The following PRICKLE2 variants were observed in gnomAD, a reference collection of about 807,000 sequenced individuals.
PRICKLE2 encodes the protein prickle-like protein 2.
In PRICKLE2, 21 loss-of-function variants were observed where a neutral mutation model predicts 81.4. The ratio of observed to expected loss-of-function variants is 0.26; its 90% CI spans 0.18 to 0.37. The LOEUF is 0.37. Ranked by LOEUF, PRICKLE2 falls within the 10% of genes least tolerant of loss-of-function variation. The pLI is 1.00. For synonymous variants in PRICKLE2, 456 were observed against 421.5 expected (o/e 1.08, Z -1.00); for missense variants, 940 against 1,109.0 (o/e 0.85, Z 2.16).
rs535111327 is a variant in PRICKLE2, at chr3:64,181,212, T to G, written c.144+17572A>C. On this transcript the variant is annotated intron_variant, in intron 2 of 7. Coordinates refer to ENST00000638394, the MANE Select transcript of PRICKLE2 (RefSeq NM_198859.4). ...ATTCCGTTTATACAGTACCTCTTCC[T>G]GGCTCACGACAGAGTCTTCTGATTG... is the stretch of plus-strand genomic sequence containing the variant. 2.6e-5 allele frequency among the ~76,000 whole-genome samples: 4 copies of G among 152,282 alleles called. No homozygotes were observed. In the South Asian group the frequency reaches 8.3e-4, roughly 32 times the overall value.
chr3:64,142,207 C>A (rs2077372430), intron 7 of PRICKLE2, among the ~76,000 whole-genome samples: 1 of 152,034 alleles, frequency 6.6e-6, no homozygotes, highest in Non-Finnish European at 1.5e-5. Context: ...CTGACAGAAC[C>A]ATAGAAACGC....
rs180830724 is a variant in PRICKLE2, at chr3:64,241,365, C to G, written c.129-42398G>C. ...TCCCCAGTTCTTCTCTCTGAAACACCAGGGCGGAGAGTCAGCTCACATTTA... is the reference window on the plus strand; with the variant it reads ...TCCCCAGTTCTTCTCTCTGAAACACGAGGGCGGAGAGTCAGCTCACATTTA... On this transcript the variant is annotated intron_variant, in intron 2 of 8. Coordinates refer to the PRICKLE2 transcript ENST00000295902. Among the ~76,000 whole-genome samples, 7 of 152,284 alleles carry G rather than the reference C, an allele frequency of 4.6e-5. No homozygotes were observed. The East Asian group carries it at 1.4e-3, about 29-fold the overall frequency.
chr3:64,252,212 A>C (rs1005468269), intron 2 of PRICKLE2, among the ~76,000 whole-genome samples: 2 of 152,216 alleles, frequency 1.3e-5, no homozygotes, highest in African/African-American at 2.4e-5. Context: ...AAAAATGAAA[A>C]ATGTGAGGCA....
chr3:64,237,267 A>G (rs1290718273), intron 2 of PRICKLE2, among the ~76,000 whole-genome samples: 1 of 152,188 alleles, frequency 6.6e-6, no homozygotes, highest in Non-Finnish European at 1.5e-5. Context: ...AGCCTGTTGC[A>G]TCTGCACCCT....
rs767820294 is a variant in PRICKLE2, at chr3:64,147,132, G to A, written c.1358C>T (p.Ser453Leu). 1.5e-5 allele frequency: 25 copies of A among 1,614,010 alleles called. No individual in the cohort carries two copies. The highest frequency in any genetic ancestry group is 1.9e-5 in the Non-Finnish European group (22 of 1,180,040). The change falls in exon 7 of 8, where the codon TCG becomes TTG. Residue 453 changes from serine to leucine, a missense_variant. Ser to Leu is a moderately radical substitution (Grantham distance 145). This residue lies in a region of PRICKLE2 where 670 missense variants were observed against 717.2 expected (regional missense o/e 0.93). Transcript: ENST00000638394. The surrounding 1 kb of genome is among the most constrained non-coding windows in gnomAD (Gnocchi z 5.0). ...AGCATGTCCTGTCATGGCCAGTGACGAGCTCCTTTTGGGGTTGCTGAAGTG... is the reference window on the plus strand; with the variant it reads ...AGCATGTCCTGTCATGGCCAGTGACAAGCTCCTTTTGGGGTTGCTGAAGTG... ...GKHFSNPKRS[S>L]SLAMTGHAGS...
At chr3:64,194,262 A>T (rs953085601) in intron 2 of PRICKLE2, 3 of 152,206 alleles carry the variant, frequency 2.0e-5, no homozygotes, top group East Asian at 3.9e-4. Context: ...TCTGCTGAAT[A>T]CTCGACCATA....
At chr3:64,178,427 T>C (rs2078061609) in intron 2 of PRICKLE2, among the ~76,000 whole-genome samples, 1 of 152,238 alleles carries the variant, frequency 6.6e-6, no homozygotes, top group Non-Finnish European at 1.5e-5. Flanking sequence ...AGCTGAACAC[T>C]GGCAGTGAAA....
At chr3:64,100,741 A>G (rs2076646122) in intron 7 of PRICKLE2, 1 of 152,230 alleles carries the variant, frequency 6.6e-6, no homozygotes, top group South Asian at 2.1e-4. Context: ...CATCCCTGAG[A>G]TGAAAACCAT....
intron 1 of PRICKLE2, among the ~76,000 whole-genome samples, chr3:64,213,996 T>C (rs1453978832): frequency 2.0e-5 from 3 of 152,140 alleles, no homozygotes; most frequent in African/African-American, 7.2e-5. Flanking sequence ...TGGCAAGTCA[T>C]AGGAAATTCT....
chr3:64,201,204 C>T (rs1227839594), intron 1 of PRICKLE2, among the ~76,000 whole-genome samples: 1 of 152,190 alleles, frequency 6.6e-6, no homozygotes. Context: ...GCTAGGATTA[C>T]AGGCATGAGC....
rs114904917 is a variant in PRICKLE2, at chr3:64,125,729, A to G, written c.1660+21101T>C. Among the ~76,000 whole-genome samples, 545 of 152,360 alleles carry G rather than the reference A, an allele frequency of 3.6e-3. 3 individuals carry two copies. Among genetic ancestry groups the G allele is most frequent in the African/African-American group, 0.012 (506 of 41,594 alleles). On this transcript the variant is annotated intron_variant, in intron 7 of 7. Transcript: ENST00000638394. The stretch of plus-strand genomic sequence containing the variant: ...TAATGTAAACAAAACTTTTATATGC[A>G]TTGGGAAACCAAAAAATTTGCATGA...
rs1359847585 is a variant in PRICKLE2 at position 64,157,222 on chromosome 3, C to T, written c.540G>A (p.Lys180=). The change falls in exon 5 of 8, where the codon AAG becomes AAA. Residue 180 remains lysine, a synonymous_variant. Coordinates refer to ENST00000638394, the MANE Select transcript of PRICKLE2 (RefSeq NM_198859.4). ...VDLIYFYQDG[K]IYCGRHHAEC... is the part of the protein sequence containing the mutation. ...CAGCATGGTGCCTGCCACAGTATAT[C>T]TTCCCATCTTGGTAAAAGTAGATCA... 1 of 1,614,232 alleles carries T rather than the reference C, an allele frequency of 6.2e-7. No individual in the cohort carries two copies. The highest frequency in any genetic ancestry group is 8.5e-7 in the Non-Finnish European group (1 of 1,180,036).
intron 5 of PRICKLE2, among the ~76,000 whole-genome samples, chr3:64,156,693 T>C (rs915153580): frequency 3.9e-5 from 6 of 152,194 alleles, no homozygotes; most frequent in African/African-American, 1.4e-4. Context: ...AGAACTTTTA[T>C]AAACTGTAGA....
intron 2 of PRICKLE2, chr3:64,163,429 G>A: frequency 2.2e-6 from 1 of 447,664 alleles, no homozygotes. Flanking sequence ...CAGAGGGTAG[G>A]GCTTTCTCGG....
intron 1 of PRICKLE2, among the ~76,000 whole-genome samples, chr3:64,218,315 A>G (rs1559586709): frequency 6.6e-6 from 1 of 152,234 alleles, no homozygotes; most frequent in Non-Finnish European, 1.5e-5. Flanking sequence ...GGAAACATCT[A>G]CTTCTTATAA....
chr3:64,163,342 T>C (rs1380956068), intron 2 of PRICKLE2: 10 of 602,792 alleles, frequency 1.7e-5, no homozygotes, highest in African/African-American at 1.8e-5. Context: ...CTGGGATTTT[T>C]CCCTCTCTCT....
At chr3:64,266,632 A>T (rs1183884498) in intron 2 of PRICKLE2, among the ~76,000 whole-genome samples, 1 of 152,160 alleles carries the variant, frequency 6.6e-6, no homozygotes, top group African/African-American at 2.4e-5. Context: ...TTGGCAATTG[A>T]TGATTTGAAA....
chr3:64,124,770 G>A (rs2077082236), intron 7 of PRICKLE2, among the ~76,000 whole-genome samples: 1 of 152,186 alleles, frequency 6.6e-6, no homozygotes, highest in African/African-American at 2.4e-5. Context: ...ATTTCAAAAT[G>A]TTACCACTTA....
chr3:64,174,531 C>G (rs2077986276), intron 2 of PRICKLE2: 1 of 153,242 alleles, frequency 6.5e-6, no homozygotes, highest in Non-Finnish European at 1.5e-5. Flanking sequence ...TGGTCTGATT[C>G]TGGTCGAGCA....
Sources: allele counts gnomAD v4.1 joint callset (sites outside exome capture counted in the v4.1 genomes callset), GRCh38; gene constraint gnomAD v4.1.1; regional missense constraint gnomAD v4.1.1; non-coding constraint Gnocchi (gnomAD v3.1); transcripts MANE v1.5; gene names NCBI Gene and HGNC (gene_info 2026-07-23, HGNC 2026-07-21).